MET: variants seen among roughly 807,000 people sequenced by gnomAD.
MET encodes hepatocyte growth factor receptor.
In MET, 48 loss-of-function variants were observed where a neutral mutation model predicts 133.1. That is an observed-to-expected ratio of 0.36 (90% confidence interval 0.29 to 0.46). MET has a LOEUF of 0.46. Among genes scored for constraint, MET ranks in the 20% least tolerant of loss-of-function variants. The pLI, the probability that MET is intolerant of heterozygous loss-of-function variation, is 1.00. For missense variants in MET, 1,442 were observed against 1,695.9 expected, an observed-to-expected ratio of 0.85 and a Z score of 2.63; for synonymous variants, 628 against 616.5, an observed-to-expected ratio of 1.02 and a Z score of -0.28.
rs1033847172 is a variant in MET, at chr7:116,796,467, C to T, written c.*343C>T. ...CAGGAAATATTGAGGGCTTCTTGATCACAGAAAACTCAGAAGAGATAGTAA... is the reference window on the plus strand; with the variant it reads ...CAGGAAATATTGAGGGCTTCTTGATTACAGAAAACTCAGAAGAGATAGTAA... On this transcript the variant is annotated 3_prime_UTR_variant, in exon 21 of 21. Coordinates refer to ENST00000397752, the MANE Select transcript of MET (RefSeq NM_000245.4). 2 of 437,392 alleles carry T rather than the reference C, an allele frequency of 4.6e-6. No individual in the cohort carries two copies. The highest frequency in any genetic ancestry group is 3.9e-5 in the African/African-American group (2 of 51,212). The allele number at this position is 437,392 out of a possible 1,614,324, so 27.1% of individuals were successfully genotyped here. A position where few individuals can be genotyped will look rare whatever the true frequency, so the allele number is the denominator to read the frequency against.
At chr7:116,704,821 T>A (rs547457270) in intron 2 of MET, among the ~76,000 whole-genome samples, 68 of 152,272 alleles carry the variant, frequency 4.5e-4, no homozygotes, top group African/African-American at 1.5e-3. Context: ...TTATGTACTT[T>A]GTCATATCTT....
At chr7:116,726,654 T>C (rs1478094108) in intron 2 of MET, among the ~76,000 whole-genome samples, 1 of 152,188 alleles carries the variant, frequency 6.6e-6, no homozygotes, top group Non-Finnish European at 1.5e-5. Flanking sequence ...GGGAGGGTCT[T>C]GACTCGGGAT....
intron 2 of MET, among the ~76,000 whole-genome samples, chr7:116,717,499 G>A (rs896632067): frequency 1.3e-5 from 2 of 152,178 alleles, no homozygotes. Flanking sequence ...TCTAGACAAA[G>A]AGGTACTTTC....
intron 5 of MET, among the ~76,000 whole-genome samples, chr7:116,745,682 G>A (rs1264113576): frequency 6.6e-6 from 1 of 152,218 alleles, no homozygotes; most frequent in Non-Finnish European, 1.5e-5. Flanking sequence ...TATGGGGAAA[G>A]GATTCTCTAT....
intron 2 of MET, among the ~76,000 whole-genome samples, chr7:116,702,339 T>C (rs1251647299): frequency 1.3e-5 from 2 of 152,168 alleles, no homozygotes; most frequent in Admixed American, 6.6e-5. Context: ...TGCCTGTTTA[T>C]CTTCTCTGGT....
intron 2 of MET, among the ~76,000 whole-genome samples, chr7:116,718,212 C>A (rs1363404466): frequency 6.6e-6 from 1 of 152,004 alleles, no homozygotes; most frequent in Non-Finnish European, 1.5e-5. Flanking sequence ...AATGGTGAAA[C>A]CCAGTCTCTA....
chr7:116,703,903 A>T (rs1791674084), intron 2 of MET, among the ~76,000 whole-genome samples: 1 of 152,202 alleles, frequency 6.6e-6, no homozygotes, highest in Admixed American at 6.5e-5. Flanking sequence ...CTCGCCTCTC[A>T]GAAAATACAA....
intron 1 of MET, among the ~76,000 whole-genome samples, chr7:116,695,958 C>T (rs531965383): frequency 4.6e-5 from 7 of 152,182 alleles, no homozygotes; most frequent in Admixed American, 2.6e-4. Context: ...CTACAACCTC[C>T]GCTTCCCAAG....
At position 116,771,870 on chromosome 7, in the gene MET, G is replaced by T. The variant is rs45607832; in HGVS notation, c.2909G>T (p.Arg970Leu). The T allele has an allele frequency of 3.1e-6, 5 of 1,613,734 alleles. No homozygotes were observed. The highest frequency in any genetic ancestry group is 2.2e-5 in the East Asian group (1 of 44,844). The change falls in exon 14 of 21, where the codon CGC becomes CTC. Residue 970 changes from arginine (R) to leucine (L), a missense_variant. Transcript: ENST00000397752. ...QIKDLGSELV[R>L]YDARVHTPHL... ...TAAGATCTGGGCAGTGAATTAGTTC[G>T]CTACGATGCAAGAGTACACACTCCT...
intron 3 of MET, among the ~76,000 whole-genome samples, chr7:116,735,779 C>CT (rs34534013): frequency 0.33 from 42,444 of 129,750 alleles, 7,340 homozygotes; most frequent in Middle Eastern, 0.41. Context: ...TTAGCTTTGG[C>CT]TTTTTTTTTT....
At chr7:116,730,279 A>G (rs578078389) in intron 2 of MET, among the ~76,000 whole-genome samples, 1 of 152,334 alleles carries the variant, frequency 6.6e-6, no homozygotes, top group African/African-American at 2.4e-5. Flanking sequence ...GGAGCGCTGA[A>G]AGAAGGCCTG....
rs1250868411 is a variant in MET, at chr7:116,757,467, T to C, written c.1893T>C (p.Asn631=). The change falls in exon 7 of 21, where the codon AAT becomes AAC. Residue 631 remains asparagine, a synonymous_variant. Transcript: ENST00000397752. ...AATGCACAGTTGGTCCTGCCATGAA[T>C]AAGCATTTCAATATGTCCATAATTA... ...TLKCTVGPAM[N]KHFNMSIIIS... The C allele has an allele frequency of 6.2e-7, 1 of 1,613,658 alleles. No homozygotes were observed. The highest frequency in any genetic ancestry group is 8.5e-7 in the Non-Finnish European group (1 of 1,179,914).
At chr7:116,760,204 T>C (rs546534435) in intron 10 of MET, among the ~76,000 whole-genome samples, 1 of 152,310 alleles carries the variant, frequency 6.6e-6, no homozygotes, top group African/African-American at 2.4e-5. Context: ...TTGCTGATCT[T>C]GCAGCAGTAT....
At chr7:116,778,685 T>A in intron 16 of MET, 91 bp from the exon 17 acceptor site, 1 of 1,328,796 alleles carries the variant, frequency 7.5e-7, no homozygotes, top group Non-Finnish European at 1.1e-6. Context: ...AACTGTGTGG[T>A]TTACCATTTC....
intron 1 of MET, among the ~76,000 whole-genome samples, chr7:116,686,125 C>A (rs1362634590): frequency 6.6e-6 from 1 of 152,098 alleles, no homozygotes; most frequent in South Asian, 2.1e-4. Context: ...CCAACATAAT[C>A]CCCCCTTGTT....
At chr7:116,784,680 T>C (rs1795257079) in intron 19 of MET, among the ~76,000 whole-genome samples, 1 of 152,094 alleles carries the variant, frequency 6.6e-6, no homozygotes, top group Non-Finnish European at 1.5e-5. Flanking sequence ...GCATTGGGGA[T>C]TACAATTTTA....
chr7:116,675,942 C>G (rs1796144785), intron 1 of MET, among the ~76,000 whole-genome samples: 1 of 152,102 alleles, frequency 6.6e-6, no homozygotes, highest in Admixed American at 6.6e-5. Context: ...CTGTGTTAAA[C>G]AGGTTAGTAT....
At chr7:116,743,060 G>C (rs1584925724) in intron 5 of MET, among the ~76,000 whole-genome samples, 1 of 152,242 alleles carries the variant, frequency 6.6e-6, no homozygotes, top group East Asian at 1.9e-4. Flanking sequence ...GGACTGGTTA[G>C]ACAGTGGGTG....
chr7:116,691,386 T>G (rs1320814164), intron 1 of MET, among the ~76,000 whole-genome samples: 1 of 152,214 alleles, frequency 6.6e-6, no homozygotes, highest in African/African-American at 2.4e-5. Context: ...TCCCAATTAC[T>G]TGAATATTTT....
Sources: gnomAD v4.1 joint callset for allele counts (sites outside exome capture counted in the v4.1 genomes callset) on GRCh38, gnomAD v4.1.1 for gene constraint, MANE v1.5 for transcripts, NCBI Gene and HGNC (gene_info 2026-07-23, HGNC 2026-07-21) for gene names.